EPG5: variants seen among roughly 807,000 people sequenced by gnomAD.
EPG5 encodes the protein ectopic P-granules 5 autophagy tethering factor, also known as ectopic P granules protein 5 homolog.
EPG5 carries 159 observed loss-of-function variants against 302.7 expected under a neutral mutation model. That is an observed-to-expected ratio of 0.53 (90% confidence interval 0.46 to 0.60). The LOEUF (loss-of-function observed/expected upper bound fraction) is 0.60, where lower values mean the gene tolerates loss of function less well. Among genes scored for constraint, EPG5 ranks in the 20% least tolerant of loss-of-function variants. The pLI is 0.00. For synonymous variants in EPG5, 1,158 were observed against 1,136.8 expected (o/e 1.02, Z -0.37); for missense variants, 2,896 against 3,092.4 (o/e 0.94, Z 1.51).
In EPG5 at chr18:45,880,197, C is replaced by CG; in HGVS notation, c.5544dup (p.Glu1849ArgfsTer34). The CG allele has an allele frequency of 6.2e-7, 1 of 1,606,962 alleles. No individual in the cohort carries two copies. The highest frequency in any genetic ancestry group is 8.5e-7 in the Non-Finnish European group (1 of 1,175,706). On this transcript the variant is annotated frameshift_variant, in exon 32 of 44. Coordinates refer to ENST00000282041, the MANE Select transcript of EPG5 (RefSeq NM_020964.3). LOFTEE classifies it high-confidence loss of function. ...GCTCTCAGAGTGGCCTTCCAACACT[C>CG]GGGGCTCAGAAGCTGCTCCGCGGAG...
rs368530443 is a variant in EPG5, at chr18:45,946,688, G to A, written c.1652C>T (p.Thr551Met). 30 of 1,613,904 alleles carry A rather than the reference G, an allele frequency of 1.9e-5. No homozygotes were observed. The highest frequency in any genetic ancestry group is 1.3e-4 in the East Asian group (6 of 44,892). ...CTCTTCTCCTCCTTCGTCTACTAGC[G>A]TCCAAGTCCCAGACCCAGGCCCTGA... ...SSSGPGSGTWTLVDEGGEEDE... is the reference protein window; with the variant it reads ...SSSGPGSGTWMLVDEGGEEDE... Residue 551 changes from threonine to methionine, a missense_variant, in exon 7 of 44, where the codon ACG becomes ATG. Physicochemically the swap from Thr to Met is moderately conservative, Grantham distance 81. This residue lies in a region of EPG5 where 1,390 missense variants were observed against 1,430.0 expected (regional missense o/e 0.97). Transcript: ENST00000282041.
At chr18:45,839,377 G>C in the EPG5 span, among the ~76,000 whole-genome samples, 2 of 152,198 alleles carry the variant, frequency 1.3e-5, no homozygotes, top group Admixed American at 6.5e-5. Context: ...CTCTAGAGCC[G>C]TCCCTTTGCT....
At chr18:45,807,477 T>C in the EPG5 span, among the ~76,000 whole-genome samples, 17 of 152,260 alleles carry the variant, frequency 1.1e-4, no homozygotes, top group Non-Finnish European at 2.5e-4. Flanking sequence ...AGAGTCCATT[T>C]CACCTCCCTG....
At chr18:45,823,547 A>G in the EPG5 span, among the ~76,000 whole-genome samples, 1 of 152,016 alleles carries the variant, frequency 6.6e-6, no homozygotes, top group African/African-American at 2.4e-5. Flanking sequence ...ATGGAGTCAT[A>G]CTCCCGGCAA....
the EPG5 span, among the ~76,000 whole-genome samples, chr18:45,815,014 G>A: frequency 6.6e-6 from 1 of 152,160 alleles, no homozygotes; most frequent in Non-Finnish European, 1.5e-5. Flanking sequence ...TCAGAGGTGA[G>A]TGCTCTCAGG....
At chr18:45,877,426 A>T (rs188244424) in intron 34 of EPG5, among the ~76,000 whole-genome samples, 1,587 of 151,732 alleles carry the variant, frequency 0.01, 12 homozygotes, top group Non-Finnish European at 0.014. Flanking sequence ...CTTAAAAAAA[A>T]TTTTTTTTTA....
In EPG5 at chr18:45,908,050, C is replaced by T. The variant is rs779746112; in HGVS notation, c.4237G>A (p.Asp1413Asn). ...GTATCTCCTTTTTGAAAATTCTCATCTTCTAGCCATAATATATATACATTG... is the reference window on the plus strand; with the variant it reads ...GTATCTCCTTTTTGAAAATTCTCATTTTCTAGCCATAATATATATACATTG... ...LFNVYILWLE[D>N]ENFQKGDTYI... The change falls in exon 24 of 44, where the codon GAT (aspartate) becomes AAT (asparagine). Residue 1413 changes from aspartate to asparagine, a missense_variant. By Grantham distance (23) the Asp-to-Asn change is conservative. Coordinates refer to ENST00000282041, the MANE Select transcript of EPG5 (RefSeq NM_020964.3). 6.4e-7 allele frequency: 1 copy of T among 1,564,352 alleles called. No homozygotes were observed. Among genetic ancestry groups the T allele is most frequent in the Non-Finnish European group, 8.7e-7 (1 of 1,146,496 alleles).
chr18:45,925,607 T>C, intron 14 of EPG5, 131 bp downstream of exon 14: 1 of 614,620 alleles, frequency 1.6e-6, no homozygotes, highest in East Asian at 3.2e-5. Context: ...AATCCTAAAC[T>C]CTGACACAGC....
At chr18:45,953,484 A>G in intron 2 of EPG5, 1 of 985,334 alleles carries the variant, frequency 1.0e-6, no homozygotes, top group Non-Finnish European at 1.2e-6. Flanking sequence ...AGGATTAGGG[A>G]TAGGGGAATG....
Position 45,948,561 on chromosome 18 carries a change from T to G in EPG5, c.1513A>C (p.Asn505His). The G allele has an allele frequency of 6.2e-7, 1 of 1,613,700 alleles. No individual in the cohort carries two copies. ...VPFIQIKVLH[N>H]PSGVFHFMQS... is the part of the protein sequence containing the mutation. Reference sequence around the variant, plus strand: ...ATAAAATGAAAGACCCCTGATGGGTTATGCAACACTTTGATCTGAAATCAG... The same window carrying G: ...ATAAAATGAAAGACCCCTGATGGGTGATGCAACACTTTGATCTGAAATCAG... Residue 505 changes from asparagine (N) to histidine (H), a missense_variant, in exon 6 of 44, where the codon AAC (asparagine) becomes CAC (histidine). Physicochemically the swap from Asn to His is moderately conservative, Grantham distance 68 (BLOSUM62 1). Coordinates refer to ENST00000282041, the MANE Select transcript of EPG5 (RefSeq NM_020964.3).
chr18:45,923,267 C>T lies in EPG5; in HGVS notation c.2838+1G>A. The T allele has an allele frequency of 6.2e-7, 1 of 1,612,554 alleles. No individual in the cohort carries two copies. The highest frequency in any genetic ancestry group is 8.5e-7 in the Non-Finnish European group (1 of 1,179,556). ...TTCCAAATCAGAAGAGAAGGAAATA[C>T]CTGCTTCATACTTTCAGAGAGAATC... On this transcript the variant is annotated splice_donor_variant, in intron 15 of 43. Coordinates refer to ENST00000282041, the MANE Select transcript of EPG5 (RefSeq NM_020964.3). LOFTEE classifies it high-confidence loss of function.
rs917053569 is a variant in EPG5, at chr18:45,963,845, G to A, written c.63+3332C>T. On this transcript the variant is annotated intron_variant, in intron 1 of 43. Transcript: ENST00000282041. ...ATATCCAGCTCAGTTTAGAGAATGG[G>A]CAGCAAGAATGAACGTAAAGAGGCC... Among the ~76,000 whole-genome samples the A allele has an allele frequency of 5.3e-5, 8 of 152,166 alleles. 1 individual carries two copies. Among genetic ancestry groups the A allele is most frequent in the Admixed American group, 5.2e-4 (8 of 15,282 alleles).
rs183210353 is a variant in EPG5, at chr18:45,878,347, G to A, written c.5942+29C>T. The A allele has an allele frequency of 6.8e-6, 10 of 1,467,930 alleles. No homozygotes were observed. In the African/African-American group the frequency reaches 1.2e-4, roughly 18 times the overall value. 90.9% of individuals were successfully genotyped at this position (1,467,930 alleles called of 1,614,324 possible). ...GAATTTTAAGTCTACAAACGTCAAAGGAATTTGAATATCTAAAAAACTGTT... is the reference window on the plus strand; with the variant it reads ...GAATTTTAAGTCTACAAACGTCAAAAGAATTTGAATATCTAAAAAACTGTT... On this transcript the variant is annotated intron_variant, in intron 34 of 43. Transcript: ENST00000282041.
chr18:45,837,634 G>A, the EPG5 span: 12 of 1,507,412 alleles, frequency 8.0e-6, no homozygotes, highest in African/African-American at 1.4e-5. Context: ...GGCCGCTGAC[G>A]GCCATCTGGC....
the EPG5 span, among the ~76,000 whole-genome samples, chr18:45,824,218 T>G: frequency 6.6e-6 from 1 of 152,050 alleles, no homozygotes; most frequent in African/African-American, 2.4e-5. Context: ...CTTTTTTATT[T>G]TTTTTTGAGA....
chr18:45,917,969 C>A, intron 16 of EPG5, 150 bp from the exon 17 acceptor site: 1 of 720,646 alleles, frequency 1.4e-6, no homozygotes, highest in Non-Finnish European at 2.2e-6. Context: ...AATACTAAAC[C>A]CAGAATTCTA....
rs979130683 is a variant in EPG5, at chr18:45,899,429, T to C, written c.4784A>G (p.Gln1595Arg). Residue 1595 changes from glutamine (Q) to arginine (R), a missense_variant, in exon 27 of 44, where the codon CAA (glutamine) becomes CGA (arginine). Physicochemically the swap from Gln to Arg is conservative, Grantham distance 43 (BLOSUM62 1). Transcript: ENST00000282041. ...ECRGSSGKKCQGAAVVTVQFE... is the reference protein window; with the variant it reads ...ECRGSSGKKCRGAAVVTVQFE... ...CTGAACCGTGACAACTGCGGCTCCT[T>C]GGCATTTCTTACCGCTGCTGCCTCT... The C allele has an allele frequency of 5.0e-6, 8 of 1,614,064 alleles. No homozygotes were observed. The African/African-American group carries it at 5.3e-5, about 11-fold the overall frequency.
the EPG5 span, among the ~76,000 whole-genome samples, chr18:45,835,959 G>A: frequency 1.3e-5 from 2 of 152,198 alleles, no homozygotes; most frequent in South Asian, 2.1e-4. Context: ...GACCCTGCAC[G>A]GGGCCATCAT....
downstream of EPG5, chr18:45,843,127 G>A (rs1053382727): frequency 6.6e-6 from 1 of 152,300 alleles, no homozygotes; most frequent in Non-Finnish European, 1.5e-5. Flanking sequence ...GCTGAAGCCG[G>A]GAGACCTGAG....
Sources: gnomAD v4.1 joint callset for allele counts (sites outside exome capture counted in the v4.1 genomes callset) on GRCh38, gnomAD v4.1.1 for gene constraint, gnomAD v4.1.1 regional missense constraint, MANE v1.5 for transcripts, NCBI Gene and HGNC (gene_info 2026-07-23, HGNC 2026-07-21) for gene names.